DCHS2: variants seen among roughly 807,000 people sequenced by gnomAD.
The protein encoded by DCHS2 is protocadherin-23.
Under a neutral mutation model 182.4 loss-of-function variants are expected in DCHS2, and 142 were observed. The ratio of observed to expected loss-of-function variants is 0.78; its 90% CI spans 0.68 to 0.89. The LOEUF is 0.89. DCHS2 is among the 40% of genes least tolerant of loss of function. The probability of loss-of-function intolerance (pLI) is 0.00; values close to 1 mark genes in which losing one functional copy is unlikely to be tolerated. For missense variants in DCHS2, 4,319 were observed against 4,198.6 expected, an observed-to-expected ratio of 1.03 and a Z score of -0.79; for synonymous variants, 1,740 against 1,663.3, an observed-to-expected ratio of 1.05 and a Z score of -1.12.
chr4:154,343,775 T>C, intron 3 of DCHS2: 1 of 983,882 alleles, frequency 1.0e-6, no homozygotes, highest in Non-Finnish European at 1.3e-6. Flanking sequence ...TGCTTTCTTA[T>C]CATTTTTCTG....
intron 1 of DCHS2, among the ~76,000 whole-genome samples, chr4:154,463,145 G>GTA (rs1421640076): frequency 1.7e-5 from 2 of 117,096 alleles, no homozygotes; most frequent in East Asian, 2.6e-4. Context: ...ATACTTATGT[G>GTA]TATATATATA....
In DCHS2 at chr4:154,298,661, G is replaced by T. The variant is rs776492568; in HGVS notation, c.5653C>A (p.Leu1885Ile). 1.2e-6 allele frequency: 2 copies of T among 1,611,460 alleles called. No homozygotes were observed. The highest frequency in any genetic ancestry group is 1.3e-5 in the African/African-American group (1 of 74,920). The change falls in exon 13 of 20, where the codon CTC (leucine) becomes ATC (isoleucine). Residue 1885 changes from leucine to isoleucine, a missense_variant. Physicochemically the swap from Leu to Ile is conservative, Grantham distance 5. Transcript: ENST00000357232. Reference sequence around the variant, plus strand: ...CGGTCCAAAGCACGAGTGGTTGAGAGTTCTCCTGACATCTCATTTATAGTA... The same window carrying T: ...CGGTCCAAAGCACGAGTGGTTGAGATTTCTCCTGACATCTCATTTATAGTA... The part of the protein sequence containing the change: ...CFTINEMSGE[L>I]STTRALDREQ...
chr4:154,468,721 G>T (rs1735336973), intron 1 of DCHS2, among the ~76,000 whole-genome samples: 1 of 152,186 alleles, frequency 6.6e-6, no homozygotes, highest in East Asian at 1.9e-4. Flanking sequence ...TTTATTCACT[G>T]ATTCCTTCTC....
rs112819160 is a variant in DCHS2 at position 154,447,087 on chromosome 4, T to A, written c.2052+42217A>T. The stretch of plus-strand genomic sequence containing the variant: ...CGGGCAGATTACTTAAGGTCAGGAG[T>A]TCGAGACCAGCCTGAACAACACGGC... On this transcript the variant is annotated intron_variant, in intron 1 of 19. Coordinates refer to ENST00000357232, the MANE Select transcript of DCHS2 (RefSeq NM_001358235.2). Among the ~76,000 whole-genome samples the A allele has an allele frequency of 2.6e-5, 4 of 152,008 alleles. 1 individual carries two copies. The highest frequency in any genetic ancestry group is 9.7e-5 in the African/African-American group (4 of 41,412).
In DCHS2 at chr4:154,334,972, G is replaced by A. The variant is rs774727501; in HGVS notation, c.2609C>T (p.Thr870Ile). The A allele has an allele frequency of 1.2e-6, 2 of 1,614,164 alleles. No individual in the cohort carries two copies. The highest frequency in any genetic ancestry group is 2.2e-5 in the South Asian group (2 of 91,080). ...CCTTTCAAACTCAGCAGGTGCCAGA[G>A]TTGTCTGGAAAATGTGTATGGTGAC... ...ADVTIHIFQT[T>I]LAPAEFERPK... The change falls in exon 4 of 20, where the codon ACT (threonine) becomes ATT (isoleucine). Residue 870 changes from threonine (T) to isoleucine (I), a missense_variant. Coordinates refer to ENST00000357232, the MANE Select transcript of DCHS2 (RefSeq NM_001358235.2).
At chr4:154,301,526 A>G (rs1392660288) in intron 12 of DCHS2, among the ~76,000 whole-genome samples, 2 of 151,852 alleles carry the variant, frequency 1.3e-5, no homozygotes, top group Non-Finnish European at 2.9e-5. Context: ...ATTTTTTGAG[A>G]CAGAGTTTCG....
At chr4:154,262,971 G>T (rs1262599025) in intron 14 of DCHS2, among the ~76,000 whole-genome samples, 3 of 152,152 alleles carry the variant, frequency 2.0e-5, no homozygotes, top group African/African-American at 7.2e-5. Context: ...GAGTCAACTT[G>T]GTTTGTGACG....
At chr4:154,371,847 CGG>C (rs1730661153) in intron 2 of DCHS2, among the ~76,000 whole-genome samples, 5 of 142,818 alleles carry the variant, frequency 3.5e-5, no homozygotes, top group African/African-American at 1.0e-4. Context: ...AGAACAGTAC[CGG>C]AGGGGGATGG....
At chr4:154,420,657 G>C (rs1482203901) in intron 1 of DCHS2, among the ~76,000 whole-genome samples, 2 of 152,056 alleles carry the variant, frequency 1.3e-5, no homozygotes, top group African/African-American at 2.4e-5. Context: ...CTCTATCTGG[G>C]CCCTCAACTG....
chr4:154,390,940 T>C (rs958700813), intron 1 of DCHS2, among the ~76,000 whole-genome samples: 2 of 152,194 alleles, frequency 1.3e-5, no homozygotes, highest in African/African-American at 4.8e-5. Flanking sequence ...TGAATTTGGA[T>C]TACAAATACT....
chr4:154,418,428 A>T (rs146418766), intron 1 of DCHS2, among the ~76,000 whole-genome samples: 1 of 152,214 alleles, frequency 6.6e-6, no homozygotes, highest in East Asian at 1.9e-4. Context: ...TAATCCACTC[A>T]CTAAGACTCC....
chr4:154,352,151 T>C (rs145269031), intron 3 of DCHS2, among the ~76,000 whole-genome samples: 2 of 152,096 alleles, frequency 1.3e-5, no homozygotes, highest in South Asian at 4.1e-4. Flanking sequence ...AAAGGCTTAT[T>C]ATTATTATCT....
intron 1 of DCHS2, among the ~76,000 whole-genome samples, chr4:154,457,945 A>G (rs1298954212): frequency 6.6e-6 from 1 of 152,214 alleles, no homozygotes; most frequent in African/African-American, 2.4e-5. Context: ...TTGTAATTAC[A>G]TCAGTATGCC....
intron 2 of DCHS2, among the ~76,000 whole-genome samples, chr4:154,373,019 A>C (rs1730715736): frequency 6.6e-6 from 1 of 152,214 alleles, no homozygotes; most frequent in African/African-American, 2.4e-5. Context: ...TATTACAAAG[A>C]GAAGGAATCA....
At chr4:154,451,281 G>T (rs1734523413) in intron 1 of DCHS2, among the ~76,000 whole-genome samples, 1 of 152,130 alleles carries the variant, frequency 6.6e-6, no homozygotes, top group South Asian at 2.1e-4. Context: ...GCCATTCTCT[G>T]CAGACAACTA....
At chr4:154,456,839 G>A (rs1000058069) in intron 1 of DCHS2, among the ~76,000 whole-genome samples, 66 of 152,094 alleles carry the variant, frequency 4.3e-4, no homozygotes, top group Non-Finnish European at 7.8e-4. Flanking sequence ...GGTTAGATGT[G>A]TTTGATATTA....
At chr4:154,459,598 A>G (rs899933493) in intron 1 of DCHS2, among the ~76,000 whole-genome samples, 1 of 151,740 alleles carries the variant, frequency 6.6e-6, no homozygotes, top group Non-Finnish European at 1.5e-5. Context: ...CCTGCAGGCT[A>G]CCTCTCTCAG....
At chr4:154,441,253 G>A (rs1012702357) in intron 1 of DCHS2, among the ~76,000 whole-genome samples, 1 of 152,144 alleles carries the variant, frequency 6.6e-6, no homozygotes. Context: ...TGATAATACA[G>A]TATGTTCAAA....
Position 154,491,266 on chromosome 4 carries a change from A to AT in DCHS2, c.89dup (p.Asp30GlufsTer46). On this transcript the variant is annotated frameshift_variant, in exon 1 of 20. Coordinates refer to ENST00000357232, the MANE Select transcript of DCHS2 (RefSeq NM_001358235.2). LOFTEE classifies it high-confidence loss of function. ...TGCTGCCTGACCGCCCATGGGGTGT[A>AT]TCTCTCCTCCCGGGGAGCAGAAGGA... The AT allele has an allele frequency of 6.4e-7, 1 of 1,551,114 alleles. No homozygotes were observed. The highest frequency in any genetic ancestry group is 8.7e-7 in the Non-Finnish European group (1 of 1,146,860).
Sources: gnomAD v4.1 joint callset for allele counts (sites outside exome capture counted in the v4.1 genomes callset) on GRCh38, gnomAD v4.1.1 for gene constraint, MANE v1.5 for transcripts, NCBI Gene and HGNC (gene_info 2026-07-23, HGNC 2026-07-21) for gene names.